Variants in SLC24A2 observed in about 807,000 individuals in gnomAD.
The protein encoded by SLC24A2 is solute carrier family 24 member 2, also known as sodium/potassium/calcium exchanger 2.
Under a neutral mutation model 62.0 loss-of-function variants are expected in SLC24A2, and 36 were observed. The ratio of observed to expected loss-of-function variants is 0.58; its 90% CI spans 0.44 to 0.77. The LOEUF (loss-of-function observed/expected upper bound fraction) is 0.77. Among genes scored for constraint, SLC24A2 ranks in the 30% least tolerant of loss-of-function variants. The pLI is 0.00. For missense variants in SLC24A2, 846 were observed against 817.9 expected, an observed-to-expected ratio of 1.03 and a Z score of -0.42; for synonymous variants, 358 against 294.0, an observed-to-expected ratio of 1.22 and a Z score of -2.23.
intron 5 of SLC24A2, among the ~76,000 whole-genome samples, chr9:19,588,852 C>G (rs1286497159): frequency 6.6e-6 from 1 of 152,028 alleles, no homozygotes; most frequent in African/African-American, 2.4e-5. Context: ...TCCCAGCTAC[C>G]TGGGAGGCTG....
chr9:19,878,745 G>A, the SLC24A2 span, among the ~76,000 whole-genome samples: 1 of 151,992 alleles, frequency 6.6e-6, no homozygotes, highest in Admixed American at 6.6e-5. Flanking sequence ...GTTTCCTGAG[G>A]CCTCCCCAGC....
the SLC24A2 span, among the ~76,000 whole-genome samples, chr9:20,260,203 C>A: frequency 2.6e-5 from 4 of 152,352 alleles, no homozygotes; most frequent in East Asian, 1.9e-4. Context: ...GCCCTTCTTG[C>A]CCTCTCTTGC....
the SLC24A2 span, among the ~76,000 whole-genome samples, chr9:19,934,653 G>T: frequency 1.3e-5 from 2 of 152,228 alleles, no homozygotes; most frequent in Admixed American, 1.3e-4. This position sits in a 1 kb window ranked among gnomAD's most constrained non-coding sequence, Gnocchi z 4.1. Flanking sequence ...TCCTTTGGGG[G>T]TTTCATTCAA....
At chr9:19,987,011 G>A in the SLC24A2 span, among the ~76,000 whole-genome samples, 6 of 152,000 alleles carry the variant, frequency 3.9e-5, no homozygotes, top group East Asian at 1.9e-4. Context: ...CTCAAGCAGA[G>A]GCCATGACAA....
At chr9:20,016,905 T>C in the SLC24A2 span, among the ~76,000 whole-genome samples, 1 of 152,238 alleles carries the variant, frequency 6.6e-6, no homozygotes, top group Non-Finnish European at 1.5e-5. Context: ...TTACAATGAA[T>C]ATAAACTATA....
chr9:19,906,767 C>T, the SLC24A2 span, among the ~76,000 whole-genome samples: 1 of 152,276 alleles, frequency 6.6e-6, no homozygotes, highest in South Asian at 2.1e-4. Flanking sequence ...CCTCCCAAGA[C>T]TAAGCCAGGA....
chr9:19,877,688 A>G, the SLC24A2 span, among the ~76,000 whole-genome samples: 2 of 151,858 alleles, frequency 1.3e-5, no homozygotes, highest in African/African-American at 4.8e-5. Context: ...CTTTCTGCAG[A>G]GCTCCAGAAA....
the SLC24A2 span, among the ~76,000 whole-genome samples, chr9:20,302,975 G>A: frequency 6.6e-6 from 1 of 152,048 alleles, no homozygotes; most frequent in Admixed American, 6.6e-5. Context: ...AAGAGAAATG[G>A]AGTCTCAATC....
intron 5 of SLC24A2, among the ~76,000 whole-genome samples, chr9:19,577,899 A>C (rs2132855186): frequency 6.6e-6 from 1 of 150,726 alleles, no homozygotes; most frequent in Non-Finnish European, 1.5e-5. Context: ...ATGGAATACT[A>C]TGCAGCCATA....
In SLC24A2 at chr9:19,615,994, GCACACACACACA is replaced by G. The variant is rs3220155; in HGVS notation, c.1078+3578_1078+3589del. On this transcript the variant is annotated intron_variant, in intron 4 of 10. Transcript: ENST00000341998. ...AGGACATGACCACATTCACAGGCGT[GCACACACACACA>G]CACACACACACACACACACACACAC... Among the ~76,000 whole-genome samples the G allele has an allele frequency of 5.8e-3, 823 of 140,900 alleles. 9 individuals carry two copies. The highest frequency in any genetic ancestry group is 0.02 in the African/African-American group (761 of 37,768). The allele number at this position is 140,900 out of a possible 152,430, so 92.4% of individuals were successfully genotyped here. A position where few individuals can be genotyped will look rare whatever the true frequency, so the allele number is the denominator to read the frequency against.
intron 2 of SLC24A2, among the ~76,000 whole-genome samples, chr9:19,783,153 T>G (rs1823063559): frequency 6.6e-6 from 1 of 152,178 alleles, no homozygotes; most frequent in Non-Finnish European, 1.5e-5. Context: ...CAAATTAAGA[T>G]TTTATATTTG....
the SLC24A2 span, among the ~76,000 whole-genome samples, chr9:20,299,751 T>A: frequency 2.0e-5 from 3 of 152,208 alleles, no homozygotes; most frequent in African/African-American, 7.2e-5. Flanking sequence ...AATTCTAATT[T>A]TGGAGACAAA....
chr9:19,815,487 G>C, the SLC24A2 span, among the ~76,000 whole-genome samples: 1 of 151,990 alleles, frequency 6.6e-6, no homozygotes, highest in Admixed American at 6.6e-5. Flanking sequence ...TACTGTTTTT[G>C]CATCATTTTG....
intron 2 of SLC24A2, among the ~76,000 whole-genome samples, chr9:19,664,861 G>A (rs991752370): frequency 1.3e-5 from 2 of 152,178 alleles, no homozygotes; most frequent in South Asian, 2.1e-4. Flanking sequence ...GGTCCCTAGA[G>A]CCTTCAGAGT....
chr9:19,948,204 C>A, the SLC24A2 span, among the ~76,000 whole-genome samples: 1 of 152,182 alleles, frequency 6.6e-6, no homozygotes, highest in Non-Finnish European at 1.5e-5. Context: ...TTACTTCCAG[C>A]CAACTCATCT....
At chr9:20,057,970 A>T in the SLC24A2 span, among the ~76,000 whole-genome samples, 1 of 152,294 alleles carries the variant, frequency 6.6e-6, no homozygotes, top group African/African-American at 2.4e-5. Context: ...TTTTGTGGTC[A>T]TCCTTCAGAA....
chr9:20,279,551 A>C, the SLC24A2 span, among the ~76,000 whole-genome samples: 7 of 152,202 alleles, frequency 4.6e-5, no homozygotes, highest in Admixed American at 4.6e-4. Flanking sequence ...ACAAAAAATA[A>C]AAATAAAGGC....
chr9:19,789,523 C>T (rs1483010415), upstream of SLC24A2, among the ~76,000 whole-genome samples: 1 of 152,198 alleles, frequency 6.6e-6, no homozygotes, highest in Admixed American at 6.5e-5. Flanking sequence ...ACTGCAGGGG[C>T]TTCAGTCTTG....
the SLC24A2 span, among the ~76,000 whole-genome samples, chr9:19,958,683 A>T: frequency 6.6e-6 from 1 of 152,182 alleles, no homozygotes; most frequent in East Asian, 1.9e-4. Flanking sequence ...TGTCTATTTC[A>T]TGGGGTTCTT....
Sources: allele counts gnomAD v4.1 joint callset (sites outside exome capture counted in the v4.1 genomes callset), GRCh38; gene constraint gnomAD v4.1.1; non-coding constraint Gnocchi (gnomAD v3.1); transcripts MANE v1.5; gene names NCBI Gene and HGNC (gene_info 2026-07-23, HGNC 2026-07-21).